WWOX: variants seen among roughly 807,000 people sequenced by gnomAD.
WWOX encodes the protein WW domain-containing oxidoreductase.
WWOX carries 69 observed loss-of-function variants against 46.2 expected under a neutral mutation model. The observed-to-expected ratio is 1.49, with a 90% CI of 1.23 to 1.82. The LOEUF is 1.82. WWOX is among the 40% of genes most tolerant of loss of function. The probability of loss-of-function intolerance (pLI) is 0.00; values close to 1 mark genes in which losing one functional copy is unlikely to be tolerated. For missense variants in WWOX, 919 were observed against 542.6 expected, an observed-to-expected ratio of 1.69 and a Z score of -6.89; for synonymous variants, 359 against 202.6, an observed-to-expected ratio of 1.77 and a Z score of -6.56.
At chr16:78,847,656 GCTTT>G (rs2052335815) in intron 8 of WWOX, among the ~76,000 whole-genome samples, 1 of 151,704 alleles carries the variant, frequency 6.6e-6, no homozygotes, top group African/African-American at 2.4e-5. Flanking sequence ...ATTATTCTGA[GCTTT>G]CTTTGGGATG....
chr16:78,827,504 C>A (rs961233423), intron 8 of WWOX, among the ~76,000 whole-genome samples: 1 of 151,858 alleles, frequency 6.6e-6, no homozygotes, highest in African/African-American at 2.4e-5. Context: ...GGCAGGGAGA[C>A]CCCAGGACTG....
chr16:78,448,579 C>T (rs1354564279), intron 8 of WWOX, among the ~76,000 whole-genome samples: 1 of 152,114 alleles, frequency 6.6e-6, no homozygotes, highest in Non-Finnish European at 1.5e-5. Context: ...TCAAGCAGTA[C>T]AGGCTTTATT....
At chr16:78,515,376 T>C (rs913277694) in intron 8 of WWOX, among the ~76,000 whole-genome samples, 1 of 152,206 alleles carries the variant, frequency 6.6e-6, no homozygotes, top group Non-Finnish European at 1.5e-5. Context: ...GCTAAGCTCA[T>C]CGTAGTTACT....
intron 8 of WWOX, among the ~76,000 whole-genome samples, chr16:78,678,690 A>G (rs565077478): frequency 9.9e-5 from 15 of 152,104 alleles, no homozygotes; most frequent in Non-Finnish European, 1.6e-4. Context: ...TGGGTCTGAG[A>G]TAAACCTAAA....
chr16:78,597,947 T>A (rs1357931464), intron 8 of WWOX, among the ~76,000 whole-genome samples: 1 of 152,154 alleles, frequency 6.6e-6, no homozygotes, highest in East Asian at 1.9e-4. Flanking sequence ...GGTCATGTTT[T>A]GCGGTATGCC....
At chr16:78,937,030 A>T (rs1279341301) in intron 8 of WWOX, among the ~76,000 whole-genome samples, 1 of 152,114 alleles carries the variant, frequency 6.6e-6, no homozygotes, top group Non-Finnish European at 1.5e-5. Flanking sequence ...TATGTACTAA[A>T]CCTGGTCCTG....
chr16:79,024,325 C>T (rs1336818798), intron 8 of WWOX, among the ~76,000 whole-genome samples: 1 of 152,196 alleles, frequency 6.6e-6, no homozygotes. Flanking sequence ...GTGGCACAGT[C>T]ACAGCTCACT....
chr16:78,590,608 G>A (rs556705528), intron 8 of WWOX, among the ~76,000 whole-genome samples: 1 of 152,072 alleles, frequency 6.6e-6, no homozygotes, highest in Non-Finnish European at 1.5e-5. Flanking sequence ...TTCTCCTGCA[G>A]TTTGTGTGTT....
Position 79,189,423 on chromosome 16 carries a change from TTGTGTGTGTGTGTGTG to T in WWOX, c.1057-22145_1057-22130del, listed in dbSNP as rs4035319. 8.8e-3 allele frequency among the ~76,000 whole-genome samples: 1,014 copies of T among 114,970 alleles called. 15 individuals carry two copies. Among genetic ancestry groups the T allele is most frequent in the African/African-American group, 0.031 (915 of 29,622 alleles). 75.4% of individuals were successfully genotyped at this position (114,970 alleles called of 152,430 possible). ...CAGGCATGCACCACCACTCCCAGCT[TTGTGTGTGTGTGTGTG>T]TGTGTGTGTGTGTGTGTGTGTGTGT... On this transcript the variant is annotated intron_variant, in intron 8 of 8. Transcript: ENST00000566780.
chr16:78,428,111 GA>G (rs1003628988), intron 7 of WWOX, among the ~76,000 whole-genome samples: 2 of 152,168 alleles, frequency 1.3e-5, no homozygotes, highest in African/African-American at 2.4e-5. Flanking sequence ...AGTATATATA[GA>G]AATACAAGAT....
At chr16:78,816,017 A>G (rs1394390028) in intron 8 of WWOX, among the ~76,000 whole-genome samples, 2 of 152,174 alleles carry the variant, frequency 1.3e-5, no homozygotes, top group African/African-American at 4.8e-5. Context: ...TAGAACTGTA[A>G]GGCCAAGTGG....
At chr16:79,016,425 CT>C (rs57583873) in intron 8 of WWOX, 20,810 of 152,188 alleles carry the variant, frequency 0.14, 1,789 homozygotes, top group Middle Eastern at 0.24. Flanking sequence ...TTTTCCTTTT[CT>C]TTTTCTTTTC....
intron 8 of WWOX, among the ~76,000 whole-genome samples, chr16:78,578,274 A>ATT (rs2044947905): frequency 1.1e-3 from 35 of 31,158 alleles, no homozygotes; most frequent in African/African-American, 3.1e-3. Flanking sequence ...ATATATATAT[A>ATT]TATATATATA....
At chr16:78,554,517 A>T (rs2044244116) in intron 8 of WWOX, among the ~76,000 whole-genome samples, 1 of 152,200 alleles carries the variant, frequency 6.6e-6, no homozygotes, top group South Asian at 2.1e-4. Context: ...ATATATGCAC[A>T]GTAATAGATA....
chr16:78,103,906 C>T (rs746249740), intron 1 of WWOX, among the ~76,000 whole-genome samples: 1 of 152,074 alleles, frequency 6.6e-6, no homozygotes, highest in East Asian at 2.0e-4. Context: ...ACTTGTGTGC[C>T]TCAAAGGCAC....
intron 8 of WWOX, among the ~76,000 whole-genome samples, chr16:78,595,058 G>C (rs1468798220): frequency 3.9e-5 from 6 of 152,318 alleles, no homozygotes; most frequent in African/African-American, 1.2e-4. Flanking sequence ...AAGAGGCTTG[G>C]GGACCCCAGG....
intron 8 of WWOX, among the ~76,000 whole-genome samples, chr16:78,640,766 C>G (rs1199258397): frequency 2.0e-5 from 3 of 151,868 alleles, no homozygotes; most frequent in Non-Finnish European, 4.4e-5. Context: ...CGGTGAAACC[C>G]CGACTCTACT....
At chr16:78,400,344 C>T (rs866355305) in intron 6 of WWOX, among the ~76,000 whole-genome samples, 4 of 152,130 alleles carry the variant, frequency 2.6e-5, no homozygotes, top group African/African-American at 4.8e-5. Context: ...AGCAGTGCCT[C>T]GATTTCCCAC....
At chr16:78,627,398 G>C (rs779703586) in intron 8 of WWOX, among the ~76,000 whole-genome samples, 1 of 152,180 alleles carries the variant, frequency 6.6e-6, no homozygotes, top group African/African-American at 2.4e-5. Context: ...AGTTTTACCT[G>C]TGTCCTCTCT....
Sources: allele counts gnomAD v4.1 joint callset (sites outside exome capture counted in the v4.1 genomes callset), GRCh38; gene constraint gnomAD v4.1.1; transcripts MANE v1.5; gene names NCBI Gene and HGNC (gene_info 2026-07-23, HGNC 2026-07-21).